ANK3: variants seen among roughly 807,000 people sequenced by gnomAD.
ANK3 encodes the protein ankyrin-3.
Under a neutral mutation model 370.9 loss-of-function variants are expected in ANK3, and 57 were observed. The observed-to-expected ratio is 0.15, with a 90% CI of 0.12 to 0.19. The LOEUF is 0.19. Ranked by LOEUF, ANK3 falls within the 10% of genes least tolerant of loss-of-function variation. The pLI is 1.00. For missense variants in ANK3, 4,439 were observed against 5,302.1 expected (o/e 0.84, Z 5.06); for synonymous variants, 1,929 against 1,946.3 (o/e 0.99, Z 0.23).
In ANK3 at chr10:60,055,827, G is replaced by C. The variant is rs928744064; in HGVS notation, c.12896C>G (p.Pro4299Arg). The change falls in exon 42 of 44, where the codon CCA becomes CGA. Residue 4299 changes from proline to arginine, a missense_variant. Pro to Arg is a moderately radical substitution (Grantham distance 103, BLOSUM62 -2). Around this residue, in one of 13 missense-constraint regions of ANK3, gnomAD observed 242 missense variants for 228.0 expected, o/e 1.06. Coordinates refer to ENST00000280772, the MANE Select transcript of ANK3 (RefSeq NM_020987.5). ...GSGHVEEPAS[P>R]LAAYQKSLEE... is the part of the protein sequence containing the mutation. ...TAGAGATTTCTGATATGCTGCTAGT[G>C]GTGATGCTGGTTCTTCAACATGACC... 3 of 1,614,170 alleles carry C rather than the reference G, an allele frequency of 1.9e-6. No homozygotes were observed. In the Admixed American group the frequency reaches 5.0e-5, roughly 27 times the overall value.
At chr10:60,057,808 G>T (rs969537261) in intron 41 of ANK3, among the ~76,000 whole-genome samples, 4 of 152,110 alleles carry the variant, frequency 2.6e-5, no homozygotes, top group African/African-American at 9.7e-5. Flanking sequence ...ACTATAAATT[G>T]TGTGACTATA....
At chr10:60,084,902 TA>T in intron 31 of ANK3, 72 bp from the exon 32 acceptor site, 2 of 1,172,454 alleles carry the variant, frequency 1.7e-6, no homozygotes, top group Non-Finnish European at 2.4e-6. Flanking sequence ...GACTCACAAT[TA>T]AAAAAATCAG....
intron 25 of ANK3, among the ~76,000 whole-genome samples, chr10:60,119,554 G>A (rs1261193582): frequency 2.0e-5 from 3 of 152,106 alleles, no homozygotes; most frequent in African/African-American, 7.2e-5. Context: ...ATCACTTCAG[G>A]TCAGGAGTTC....
At chr10:60,491,081 G>T (rs1288572896) in intron 2 of ANK3, among the ~76,000 whole-genome samples, 1 of 152,068 alleles carries the variant, frequency 6.6e-6, no homozygotes, top group African/African-American at 2.4e-5. Context: ...TGCATTTGAT[G>T]TTCATCTATG....
rs139987688 is a variant in ANK3 at position 60,431,081 on chromosome 10, C to T, written c.97-151442G>A. Among the ~76,000 whole-genome samples the T allele has an allele frequency of 3.6e-3, 541 of 152,240 alleles. 3 individuals carry two copies. Among genetic ancestry groups the T allele is most frequent in the East Asian group, 0.029 (149 of 5,178 alleles). On this transcript the variant is annotated intron_variant, in intron 2 of 43. Transcript: ENST00000373827. ...TGATTCAAGCACATTATATTTATTG[C>T]GTACTTTGTTTCTATTATTAATACA... is the stretch of plus-strand genomic sequence containing the variant.
intron 2 of ANK3, among the ~76,000 whole-genome samples, chr10:60,399,280 C>T (rs534320439): frequency 3.0e-4 from 45 of 152,040 alleles, no homozygotes; most frequent in Non-Finnish European, 3.2e-4. Flanking sequence ...ATGGAAAGAA[C>T]GAGCTCAGGT....
intron 1 of ANK3, among the ~76,000 whole-genome samples, chr10:60,366,232 C>A (rs975805078): frequency 2.6e-5 from 4 of 152,112 alleles, no homozygotes; most frequent in Admixed American, 6.5e-5. Context: ...ACTTGGGAGG[C>A]CAAGGCAAGA....
chr10:60,570,192 A>G (rs1198092272), intron 2 of ANK3, among the ~76,000 whole-genome samples: 1 of 152,200 alleles, frequency 6.6e-6, no homozygotes, highest in Non-Finnish European at 1.5e-5. Context: ...TCAATGGGAC[A>G]TTTATTTAGT....
At chr10:60,478,337 G>A (rs1245985529) in intron 2 of ANK3, among the ~76,000 whole-genome samples, 2 of 151,890 alleles carry the variant, frequency 1.3e-5, no homozygotes, top group Non-Finnish European at 2.9e-5. Flanking sequence ...TTTCTGCAAT[G>A]CTAAAAAAAT....
intron 2 of ANK3, among the ~76,000 whole-genome samples, chr10:60,607,770 A>G (rs1229000686): frequency 1.3e-5 from 2 of 152,228 alleles, no homozygotes; most frequent in Non-Finnish European, 2.9e-5. Context: ...ATAAAAAACT[A>G]TGGTGGGACA....
intron 28 of ANK3, among the ~76,000 whole-genome samples, chr10:60,098,602 T>C (rs982397653): frequency 6.6e-6 from 1 of 152,224 alleles, no homozygotes; most frequent in Non-Finnish European, 1.5e-5. Flanking sequence ...GGAAAAATCC[T>C]CAAATGATAT....
At position 60,200,199 on chromosome 10, in the gene ANK3, G is replaced by A; in HGVS notation, c.1421C>T (p.Ala474Val). ...VRGETALHMAARSGQAEVVRY... is the reference protein window; with the variant it reads ...VRGETALHMAVRSGQAEVVRY... The stretch of plus-strand genomic sequence containing the variant: ...CACAACTTCAGCTTGGCCGGAGCGA[G>A]CTGCCATGTGCAGTGCTGTTTCTCC... Residue 474 changes from alanine to valine, a missense_variant, in exon 13 of 44, where the codon GCT becomes GTT. By Grantham distance (64) the Ala-to-Val change is moderately conservative. Coordinates refer to ENST00000280772, the MANE Select transcript of ANK3 (RefSeq NM_020987.5). The A allele has an allele frequency of 1.2e-6, 2 of 1,614,166 alleles. No individual in the cohort carries two copies. Among genetic ancestry groups the A allele is most frequent in the Non-Finnish European group, 1.7e-6 (2 of 1,180,014 alleles).
chr10:60,486,959 A>T (rs186527235), intron 2 of ANK3, among the ~76,000 whole-genome samples: 31 of 152,344 alleles, frequency 2.0e-4, no homozygotes, highest in Non-Finnish European at 4.3e-4. Flanking sequence ...TTTTTTACTT[A>T]AATTCCACGC....
chr10:60,387,137 G>A (rs1466466677), intron 1 of ANK3, among the ~76,000 whole-genome samples: 5 of 151,256 alleles, frequency 3.3e-5, no homozygotes, highest in African/African-American at 9.7e-5. Flanking sequence ...TCCAGCCTGG[G>A]CAACAAGAGT....
chr10:60,415,181 G>A (rs981101253), intron 2 of ANK3, among the ~76,000 whole-genome samples: 1 of 152,150 alleles, frequency 6.6e-6, no homozygotes, highest in Non-Finnish European at 1.5e-5. Flanking sequence ...TCAGCTGTGG[G>A]GCATGGGGTA....
chr10:60,234,009 T>C (rs556972489), intron 8 of ANK3, among the ~76,000 whole-genome samples: 1 of 152,358 alleles, frequency 6.6e-6, no homozygotes, highest in South Asian at 2.1e-4. Context: ...TTTGTCCTTT[T>C]GTGACTGGTA....
intron 40 of ANK3, among the ~76,000 whole-genome samples, chr10:60,061,377 T>A (rs1453832002): frequency 6.6e-6 from 1 of 152,260 alleles, no homozygotes; most frequent in South Asian, 2.1e-4. Flanking sequence ...TTTAAGGATA[T>A]TCCAATTTTA....
rs550332743 is a variant in ANK3 at position 60,044,176 on chromosome 10, G to T, written c.13066-1417C>A. The T allele has an allele frequency of 1.9e-5, 19 of 985,344 alleles. No individual in the cohort carries two copies. In the South Asian group the frequency reaches 8.9e-4, roughly 46 times the overall value. The allele number at this position is 985,344 out of a possible 1,614,324, so 61.0% of individuals were successfully genotyped here. On this transcript the variant is annotated intron_variant, in intron 42 of 43. Coordinates refer to ENST00000280772, the MANE Select transcript of ANK3 (RefSeq NM_020987.5). ...GAAAAGTAGAGATTTTTCTGTTTTA[G>T]GAGATGACACTACAGCACAAAAGTA...
chr10:60,041,992 T>C lies in ANK3; in HGVS notation c.*19+680A>G, dbSNP rs114130603. On this transcript the variant is annotated intron_variant, in intron 43 of 43. Coordinates refer to ENST00000280772, the MANE Select transcript of ANK3 (RefSeq NM_020987.5). ...TGATTTTGCTTTACTTTACAGACTA[T>C]AGAGGACTTTCTTTTTCACCCCATA... 3.9e-3 allele frequency among the ~76,000 whole-genome samples: 589 copies of C among 152,290 alleles called. 4 individuals are homozygous for C. The highest frequency in any genetic ancestry group is 0.014 in the African/African-American group (571 of 41,542).
Sources: gnomAD v4.1 joint callset for allele counts (sites outside exome capture counted in the v4.1 genomes callset) on GRCh38, gnomAD v4.1.1 for gene constraint, gnomAD v4.1.1 regional missense constraint, MANE v1.5 for transcripts, NCBI Gene and HGNC (gene_info 2026-07-23, HGNC 2026-07-21) for gene names.